The following RASAL1 variants were observed in gnomAD, a reference collection of about 807,000 sequenced individuals.
The protein encoded by RASAL1 is rasGAP-activating-like protein 1.
A neutral mutation model predicts 96.6 loss-of-function variants in RASAL1; 72 were observed. The ratio of observed to expected loss-of-function variants is 0.75; its 90% confidence interval spans 0.62 to 0.91. The LOEUF (loss-of-function observed/expected upper bound fraction) is 0.91, where lower values mean the gene tolerates loss of function less well. Among genes scored for constraint, RASAL1 ranks in the 40% least tolerant of loss-of-function variants. RASAL1 has a pLI of 0.00. For missense variants in RASAL1, 1,016 were observed against 1,072.5 expected (o/e 0.95, Z 0.74); for synonymous variants, 405 against 430.4 (o/e 0.94, Z 0.73).
chr12:113,131,669 C>G (rs191683395), intron 1 of RASAL1, among the ~76,000 whole-genome samples: 360 of 152,316 alleles, frequency 2.4e-3, no homozygotes, highest in Non-Finnish European at 4.1e-3. Context: ...CTGCATCCCC[C>G]CTTCATAATA....
rs371368874 is a variant in RASAL1 at position 113,117,086 on chromosome 12, C to G, written c.718G>C (p.Glu240Gln). 2.5e-6 allele frequency: 4 copies of G among 1,605,060 alleles called. No homozygotes were observed. The African/African-American group carries it at 5.4e-5, about 21-fold the overall frequency. The part of the protein sequence containing the change: ...WFRLLPFPRA[E>Q]EDSGGNLGAL... Reference sequence around the variant, plus strand: ...ACCCACATTTACCCAGAATCCTCCTCGGCTCTGGGAAAGGGCAGGAGGCGG... The same window carrying G: ...ACCCACATTTACCCAGAATCCTCCTGGGCTCTGGGAAAGGGCAGGAGGCGG... Residue 240 changes from glutamate (E) to glutamine (Q), a missense_variant, in exon 8 of 21, where the codon GAG becomes CAG. Transcript: ENST00000548055.
chr12:113,128,351 A>C (rs1225990031), intron 2 of RASAL1, among the ~76,000 whole-genome samples, 173 bp from the exon 3 acceptor site: 1 of 151,334 alleles, frequency 6.6e-6, no homozygotes, highest in Non-Finnish European at 1.5e-5. Context: ...ACACACACAC[A>C]CACCCAAGGA....
chr12:113,128,245 GAC>G (rs4007310), intron 2 of RASAL1, 67 bp from the exon 3 acceptor site: 150,619 of 557,292 alleles, frequency 0.27, 7,310 homozygotes, highest in Non-Finnish European at 0.3. Context: ...TGGAGACCCA[GAC>G]ACACACACAC....
chr12:113,110,265 T>C (rs780166008), intron 13 of RASAL1, among the ~76,000 whole-genome samples: 32 of 152,226 alleles, frequency 2.1e-4, no homozygotes, highest in Admixed American at 3.3e-4. Flanking sequence ...CTTGGCCAAG[T>C]GTTTTGCCTC....
At chr12:113,100,491 G>T (rs887681153) in intron 20 of RASAL1, 137 bp downstream of exon 20, 3 of 695,706 alleles carry the variant, frequency 4.3e-6, no homozygotes, top group African/African-American at 3.6e-5. Flanking sequence ...TAGAGACAGG[G>T]TTTCACCATG....
intron 1 of RASAL1, among the ~76,000 whole-genome samples, chr12:113,132,524 C>T (rs558220699): frequency 6.6e-6 from 1 of 152,280 alleles, no homozygotes; most frequent in East Asian, 1.9e-4. Flanking sequence ...GAAACCAATG[C>T]CCCCTCTACC....
rs1386019781 is a variant in RASAL1, at chr12:113,100,614, A to G, written c.2278+14T>C. The G allele has an allele frequency of 7.5e-6, 12 of 1,602,664 alleles. No homozygotes were observed. Among genetic ancestry groups the G allele is most frequent in the Non-Finnish European group, 1.0e-5 (12 of 1,170,484 alleles). The stretch of plus-strand genomic sequence containing the variant: ...GCACCCAGCCTTTACCTTCTGAGGT[A>G]CAGGAGCCCTTACCTGTGTCTGCCT... On this transcript the variant is annotated intron_variant, in intron 20 of 20. Coordinates refer to ENST00000548055, the MANE Select transcript of RASAL1 (RefSeq NM_001301202.2).
chr12:113,126,688 T>TCTCACACACA (rs372157451), intron 4 of RASAL1, among the ~76,000 whole-genome samples: 47 of 139,012 alleles, frequency 3.4e-4, no homozygotes, highest in African/African-American at 1.2e-3. Context: ...TCTCTCTCTC[T>TCTCACACACA]CACACACACA....
chr12:113,117,105 G>GA lies in RASAL1; in HGVS notation c.698dup (p.Leu234ProfsTer25), dbSNP rs1359412101. 4 of 1,610,722 alleles carry GA rather than the reference G, an allele frequency of 2.5e-6. No individual in the cohort carries two copies. Among genetic ancestry groups the GA allele is most frequent in the Non-Finnish European group, 3.4e-6 (4 of 1,177,510 alleles). ...CCTCCTCGGCTCTGGGAAAGGGCAG[G>GA]AGGCGGAACCAGCCTTTAGGTGGCT... On this transcript the variant is annotated frameshift_variant, in exon 8 of 21. Coordinates refer to ENST00000548055, the MANE Select transcript of RASAL1 (RefSeq NM_001301202.2). LOFTEE classifies it high-confidence loss of function.
At chr12:113,121,412 G>A (rs1951289515) in intron 5 of RASAL1, 97 bp downstream of exon 5, 2 of 1,560,932 alleles carry the variant, frequency 1.3e-6, no homozygotes, top group East Asian at 2.3e-5. Context: ...AGTGCCCCAG[G>A]ACTGAGGAGG....
At chr12:113,105,542 T>G (rs897911047) in intron 16 of RASAL1, among the ~76,000 whole-genome samples, 172 bp downstream of exon 16, 6 of 152,270 alleles carry the variant, frequency 3.9e-5, no homozygotes, top group Non-Finnish European at 7.3e-5. Context: ...TGTGCCCACA[T>G]TGGCCTGAAC....
At chr12:113,122,380 G>A (rs1174555309) in intron 4 of RASAL1, among the ~76,000 whole-genome samples, 2 of 152,192 alleles carry the variant, frequency 1.3e-5, no homozygotes, top group Admixed American at 6.5e-5. Context: ...CTGGAGTGCC[G>A]TGGCACAATC....
intron 4 of RASAL1, among the ~76,000 whole-genome samples, chr12:113,122,875 A>G (rs1000539383): frequency 1.3e-5 from 2 of 152,172 alleles, no homozygotes; most frequent in African/African-American, 4.8e-5. Flanking sequence ...CTGGAACTCC[A>G]ATTAAATAAA....
rs1368840124 is a variant in RASAL1 at position 113,127,834 on chromosome 12, C to T, written c.276G>A (p.Glu92=). Residue 92 remains glutamate, a synonymous_variant, in exon 4 of 21, where the codon GAG becomes GAA. Transcript: ENST00000548055. ...DIIGKISLSR[E]AITADPRGID... ...CACCTCGGGGGTCGGCTGTAATCGC[C>T]TCCCTGCTCAGCGAGATCTTGCCGA... 1 of 1,613,112 alleles carries T rather than the reference C, an allele frequency of 6.2e-7. No homozygotes were observed. The highest frequency in any genetic ancestry group is 1.3e-5 in the African/African-American group (1 of 74,992).
intron 14 of RASAL1, 103 bp downstream of exon 14, chr12:113,107,982 A>G (rs936387): frequency 0.96 from 1,292,557 of 1,350,916 alleles, 618,899 homozygotes; most frequent in African/African-American, 0.99. Flanking sequence ...GTTTCTTCGG[A>G]TGTTCTTTGG....
At chr12:113,108,046 G>T in intron 14 of RASAL1, 39 bp downstream of exon 14, 2 of 1,572,154 alleles carry the variant, frequency 1.3e-6, no homozygotes, top group Non-Finnish European at 1.7e-6. Context: ...TTTTTCCCTG[G>T]CTAAAGTACC....
rs991285759 is a variant in RASAL1 at position 113,112,076 on chromosome 12, C to T, written c.1374+10G>A. The T allele has an allele frequency of 1.2e-5, 15 of 1,238,014 alleles. No homozygotes were observed. The African/African-American group carries it at 2.0e-4, about 17-fold the overall frequency. The allele number at this position is 1,238,014 out of a possible 1,614,324, so 76.7% of individuals were successfully genotyped here. ...CCTGTCCCCAGCCTCAGCCTCCCAT[C>T]CTGGCGCACCTGGTGCTCGGCCTGG... On this transcript the variant is annotated intron_variant, in intron 13 of 20. Transcript: ENST00000548055.
At position 113,135,399 on chromosome 12, in the gene RASAL1, C is replaced by A. The variant is rs1330689996; in HGVS notation, c.64G>T (p.Val22Leu). ...VEGRALPAKD[V>L]SGSSDPYCLV... ...CAGAAGCGCCCGAGGAGTACTCACA[C>A]GTCCTTGGCAGGCAGCGCGCGGCCC... The change falls in exon 1 of 21, where the codon GTG becomes TTG. Residue 22 changes from valine to leucine, a missense_variant and splice_region_variant. Physicochemically the swap from Val to Leu is conservative, Grantham distance 32. Transcript: ENST00000548055. This position sits in a 1 kb window ranked among gnomAD's most constrained non-coding sequence, Gnocchi z 5.7. 5 of 1,608,582 alleles carry A rather than the reference C, an allele frequency of 3.1e-6. No individual in the cohort carries two copies. The highest frequency in any genetic ancestry group is 1.3e-5 in the African/African-American group (1 of 74,794).
In RASAL1 at chr12:113,115,505, A is replaced by G; in HGVS notation, c.1003+130T>C. The G allele has an allele frequency of 7.8e-7, 1 of 1,290,162 alleles. No individual in the cohort carries two copies. Among genetic ancestry groups the G allele is most frequent in the Non-Finnish European group, 1.1e-6 (1 of 944,734 alleles). 79.9% of individuals were successfully genotyped at this position (1,290,162 alleles called of 1,614,324 possible). On this transcript the variant is annotated intron_variant, in intron 10 of 20. Coordinates refer to ENST00000548055, the MANE Select transcript of RASAL1 (RefSeq NM_001301202.2). The surrounding 1 kb of genome is among the most constrained non-coding windows in gnomAD (Gnocchi z 4.1). ...TGGGCTCCCAACTGTCTGGAGGTGCACAGCACAGGGACCCACAGAAAAAGG... is the reference window on the plus strand; with the variant it reads ...TGGGCTCCCAACTGTCTGGAGGTGCGCAGCACAGGGACCCACAGAAAAAGG...
Sources: allele counts gnomAD v4.1 joint callset (sites outside exome capture counted in the v4.1 genomes callset), GRCh38; gene constraint gnomAD v4.1.1; non-coding constraint Gnocchi (gnomAD v3.1); transcripts MANE v1.5; gene names NCBI Gene and HGNC (gene_info 2026-07-23, HGNC 2026-07-21).